The following ARHGEF16 variants were observed in gnomAD, a reference collection of about 807,000 sequenced individuals.
ARHGEF16 encodes Rho guanine nucleotide exchange factor 16.
Under a neutral mutation model 74.1 loss-of-function variants are expected in ARHGEF16, and 59 were observed. The ratio of observed to expected loss-of-function variants is 0.80; its 90% CI spans 0.65 to 0.99. The LOEUF is 0.99. Among genes scored for constraint, ARHGEF16 ranks in the 50% least tolerant of loss-of-function variants. The pLI, the probability that ARHGEF16 is intolerant of heterozygous loss-of-function variation, is 0.00. For missense variants in ARHGEF16, 948 were observed against 986.6 expected (o/e 0.96, Z 0.52); for synonymous variants, 415 against 412.6 (o/e 1.01, Z -0.07).
intron 3 of ARHGEF16, 112 bp downstream of exon 3, chr1:3,466,305 C>A: frequency 8.5e-7 from 1 of 1,177,058 alleles, no homozygotes; most frequent in Non-Finnish European, 1.2e-6. Context: ...GTCACCAAAG[C>A]TGCTTGACAG....
intron 1 of ARHGEF16, among the ~76,000 whole-genome samples, chr1:3,455,083 C>G (rs914971089): frequency 2.6e-5 from 4 of 151,996 alleles, no homozygotes; most frequent in African/African-American, 9.7e-5. Flanking sequence ...TGCCCCCGCC[C>G]GCTCGCTCGC....
At chr1:3,459,634 A>G (rs1014652136) in intron 1 of ARHGEF16, among the ~76,000 whole-genome samples, 1 of 152,120 alleles carries the variant, frequency 6.6e-6, no homozygotes, top group African/African-American at 2.4e-5. Flanking sequence ...GGTGTCTGGG[A>G]AAAACACTGA....
At chr1:3,468,704 A>G (rs1336072112) in intron 4 of ARHGEF16, 176 bp from the exon 5 acceptor site, 14 of 672,526 alleles carry the variant, frequency 2.1e-5, no homozygotes, top group Non-Finnish European at 3.2e-5. Flanking sequence ...ACAGAGAGGA[A>G]GGTGACGGGG....
At chr1:3,464,349 G>A (rs1045733350) in intron 2 of ARHGEF16, among the ~76,000 whole-genome samples, 9 of 152,234 alleles carry the variant, frequency 5.9e-5, no homozygotes, top group Non-Finnish European at 1.0e-4. Flanking sequence ...TGGGGGCCAG[G>A]CCTTCATTTC....
intron 10 of ARHGEF16, 31 bp downstream of exon 10, chr1:3,476,093 G>T (rs1639864723): frequency 6.5e-7 from 1 of 1,544,316 alleles, no homozygotes; most frequent in South Asian, 1.2e-5. Context: ...GGGCCACTCG[G>T]ACCACTTCCC....
rs1247604996 is a variant in ARHGEF16 at position 3,467,330 on chromosome 1, T to G, written c.797T>G (p.Leu266Arg). Residue 266 changes from leucine (L) to arginine (R), a missense_variant, in exon 4 of 15, where the codon CTC becomes CGC. Coordinates refer to ENST00000378378, the MANE Select transcript of ARHGEF16 (RefSeq NM_014448.4). ...CCCGCCCAGGTCACCTGGAGCCAGCTCCCAGAGGTAGCGCCGGAGGGTGGG... is the reference window on the plus strand; with the variant it reads ...CCCGCCCAGGTCACCTGGAGCCAGCGCCCAGAGGTAGCGCCGGAGGGTGGG... ...YRPAQVTWSQ[L>R]PEVVELGILD... 4 of 1,548,846 alleles carry G rather than the reference T, an allele frequency of 2.6e-6. No homozygotes were observed. Among genetic ancestry groups the G allele is most frequent in the Non-Finnish European group, 3.5e-6 (4 of 1,145,962 alleles).
intron 4 of ARHGEF16, 91 bp from the exon 5 acceptor site, chr1:3,468,789 C>A: frequency 6.9e-7 from 1 of 1,452,768 alleles, no homozygotes; most frequent in Non-Finnish European, 9.4e-7. Flanking sequence ...TCCATGTTGG[C>A]CCTGGTCCAT....
chr1:3,476,083 G>A (rs1298077041), intron 10 of ARHGEF16, 21 bp downstream of exon 10: 2 of 1,547,656 alleles, frequency 1.3e-6, no homozygotes, highest in East Asian at 2.4e-5. Context: ...CCGGACATCA[G>A]GGCCACTCGG....
intron 6 of ARHGEF16, among the ~76,000 whole-genome samples, chr1:3,471,020 C>CCAGGGGTGTGTGTGCGTGGG (rs1639704124): frequency 5.8e-5 from 4 of 69,374 alleles, no homozygotes; most frequent in Non-Finnish European, 2.8e-5. Context: ...GTGTACCTGG[C>CCAGGGGTGTGTGTGCGTGGG]CAGGGGTGTG....
Position 3,478,514 on chromosome 1 carries a change from C to T in ARHGEF16, c.1716C>T (p.Gly572=), listed in dbSNP as rs774179599. 1.2e-5 allele frequency: 20 copies of T among 1,612,550 alleles called. No individual in the cohort carries two copies. The highest frequency in any genetic ancestry group is 2.2e-5 in the East Asian group (1 of 44,884). Residue 572 remains glycine, a synonymous_variant, in exon 12 of 15, where the codon GGC becomes GGT. Coordinates refer to ENST00000378378, the MANE Select transcript of ARHGEF16 (RefSeq NM_014448.4). Reference sequence around the variant, plus strand: ...CGTCTGAGCTCCCTCTGCCCGGGGGCGGCAACCGTAGCTCCTCCGTGCCCC... The same window carrying T: ...CGTCTGAGCTCCCTCTGCCCGGGGGTGGCAACCGTAGCTCCTCCGTGCCCC... ...IEPSELPLPG[G]GNRSSSVPHP... is the part of the protein sequence containing the mutation.
intron 4 of ARHGEF16, 114 bp downstream of exon 4, chr1:3,467,451 C>A: frequency 7.7e-7 from 1 of 1,291,052 alleles, no homozygotes; most frequent in Non-Finnish European, 1.0e-6. Context: ...CCCAGTCCTC[C>A]CAGGGAGGGT....
chr1:3,471,788 TG>T (rs1639731628), intron 6 of ARHGEF16: 1 of 1,101,532 alleles, frequency 9.1e-7, no homozygotes, highest in African/African-American at 1.7e-5. Flanking sequence ...CATCGCTATT[TG>T]GGGTAAGCGG....
chr1:3,457,999 C>T (rs540886826), intron 1 of ARHGEF16, among the ~76,000 whole-genome samples: 29 of 152,320 alleles, frequency 1.9e-4, no homozygotes, highest in African/African-American at 7.0e-4. Context: ...TATGGGGCTG[C>T]CCTGGCCCAG....
chr1:3,476,095 C>T, intron 10 of ARHGEF16, 33 bp downstream of exon 10: 4 of 1,541,490 alleles, frequency 2.6e-6, no homozygotes, highest in Non-Finnish European at 3.5e-6. Flanking sequence ...GCCACTCGGA[C>T]CACTTCCCAC....
rs753864323 is a variant in ARHGEF16 at position 3,477,944 on chromosome 1, G to A, written c.1543G>A (p.Gly515Arg). 7.4e-6 allele frequency: 12 copies of A among 1,612,538 alleles called. No homozygotes were observed. The highest frequency in any genetic ancestry group is 6.6e-5 in the South Asian group (6 of 91,080). Residue 515 changes from glycine (G) to arginine (R), a missense_variant, in exon 11 of 15, where the codon GGA becomes AGA. Coordinates refer to ENST00000378378, the MANE Select transcript of ARHGEF16 (RefSeq NM_014448.4). ...RGELFLVEET[G>R]LFRKIASRPT... ...AGAGCTGTTCTTAGTGGAAGAAACC[G>A]GACTTTTTCGAAAAATTGCCAGCCG...
At chr1:3,467,995 A>G (rs1051104839) in intron 4 of ARHGEF16, among the ~76,000 whole-genome samples, 1 of 152,058 alleles carries the variant, frequency 6.6e-6, no homozygotes. Flanking sequence ...ACCACCCACC[A>G]CACACCATGG....
intron 10 of ARHGEF16, 138 bp downstream of exon 10, chr1:3,476,200 C>G: frequency 1.2e-6 from 1 of 866,628 alleles, no homozygotes; most frequent in Non-Finnish European, 1.8e-6. Context: ...GGGGCTGGGC[C>G]TCCTAGGGCT....
Position 3,473,410 on chromosome 1 carries a change from T to C in ARHGEF16, c.1193T>C (p.Phe398Ser), listed in dbSNP as rs774950266. The change falls in exon 8 of 15, where the codon TTC (phenylalanine) becomes TCC (serine). Residue 398 changes from phenylalanine (F) to serine (S), a missense_variant. Transcript: ENST00000378378. ...TCTTGCAGAAGCAGCAACGCCGCCT[T>C]CCGAGAGGCCCTGAGAGAGATTGAG... ...LQKLISSNAA[F>S]REALREIERR... 3.7e-6 allele frequency: 6 copies of C among 1,609,694 alleles called. No individual in the cohort carries two copies. Among genetic ancestry groups the C allele is most frequent in the Non-Finnish European group, 5.1e-6 (6 of 1,177,856 alleles).
At chr1:3,459,140 C>T (rs1639333279) in intron 1 of ARHGEF16, among the ~76,000 whole-genome samples, 1 of 152,164 alleles carries the variant, frequency 6.6e-6, no homozygotes, top group African/African-American at 2.4e-5. Flanking sequence ...AACATGGACC[C>T]TACGGGGGCA....
Sources: allele counts gnomAD v4.1 joint callset (sites outside exome capture counted in the v4.1 genomes callset), GRCh38; gene constraint gnomAD v4.1.1; transcripts MANE v1.5; gene names NCBI Gene and HGNC (gene_info 2026-07-23, HGNC 2026-07-21).